Variants in PRKG1 observed in about 807,000 individuals in gnomAD.
PRKG1 encodes the protein protein kinase cGMP-dependent 1, also known as cGMP-dependent protein kinase 1.
PRKG1 carries 35 observed loss-of-function variants against 88.1 expected under a neutral mutation model. The ratio of observed to expected loss-of-function variants is 0.40; its 90% confidence interval spans 0.30 to 0.53. PRKG1 has a LOEUF of 0.53. Among genes scored for constraint, PRKG1 ranks in the 20% least tolerant of loss-of-function variants. PRKG1 has a pLI of 0.59. For synonymous variants in PRKG1, 303 were observed against 292.5 expected (o/e 1.04, Z -0.37); for missense variants, 540 against 839.8 (o/e 0.64, Z 4.41).
rs1056584396 is a variant in PRKG1 at position 52,053,079 on chromosome 10, T to G, written c.763-1405T>G. ...TTGAAGAATATGCATTCTATAATAT[T>G]ATTTTTATTTAGAAATAATTATTTG... On this transcript the variant is annotated intron_variant, in intron 5 of 17. Coordinates refer to ENST00000373980, the MANE Select transcript of PRKG1 (RefSeq NM_006258.4). 1.1e-4 allele frequency among the ~76,000 whole-genome samples: 16 copies of G among 152,286 alleles called. No individual in the cohort carries two copies. In the South Asian group the frequency reaches 2.7e-3, roughly 26 times the overall value.
chr10:51,074,419 C>T (rs1843891343), upstream of PRKG1: 1 of 1,442,154 alleles, frequency 6.9e-7, no homozygotes. Context: ...CTCTGGGTGG[C>T]TGGAGCCGGC....
chr10:51,596,020 G>A (rs1838438326), intron 3 of PRKG1, among the ~76,000 whole-genome samples: 1 of 152,008 alleles, frequency 6.6e-6, no homozygotes, highest in South Asian at 2.1e-4. Flanking sequence ...TAGTAGAGAT[G>A]GGGTTTCACT....
intron 3 of PRKG1, among the ~76,000 whole-genome samples, chr10:51,556,194 A>C (rs968863784): frequency 6.6e-6 from 1 of 152,038 alleles, no homozygotes; most frequent in African/African-American, 2.4e-5. Context: ...CCTATCATAC[A>C]TGAATAAGTT....
intron 3 of PRKG1, among the ~76,000 whole-genome samples, chr10:51,634,227 A>G (rs1056250854): frequency 2.0e-5 from 3 of 152,140 alleles, no homozygotes; most frequent in Non-Finnish European, 4.4e-5. Flanking sequence ...CTGAAATATT[A>G]ATAGGATTTT....
intron 2 of PRKG1, among the ~76,000 whole-genome samples, chr10:51,412,217 GAA>G (rs766833920): frequency 0.16 from 19,045 of 121,902 alleles, 1,384 homozygotes; most frequent in Non-Finnish European, 0.19. Flanking sequence ...GAGAGAGAAA[GAA>G]AGAGAGAAAG....
intron 9 of PRKG1, among the ~76,000 whole-genome samples, chr10:52,240,321 A>G (rs931258185): frequency 1.3e-5 from 2 of 152,132 alleles, no homozygotes; most frequent in South Asian, 4.1e-4. Flanking sequence ...AAAACATCAG[A>G]CTATCCCAAA....
chr10:51,162,140 A>C (rs935640909), intron 2 of PRKG1, among the ~76,000 whole-genome samples: 1 of 152,202 alleles, frequency 6.6e-6, no homozygotes, highest in Non-Finnish European at 1.5e-5. Context: ...TTGAATGTTT[A>C]GTAATTGTTT....
chr10:51,670,632 A>T (rs1840536681), intron 3 of PRKG1, among the ~76,000 whole-genome samples: 1 of 148,560 alleles, frequency 6.7e-6, no homozygotes, highest in South Asian at 2.1e-4. Context: ...GCTACTTGGG[A>T]GGCTGAGGCA....
chr10:51,624,648 A>G (rs1839290484), intron 3 of PRKG1, among the ~76,000 whole-genome samples: 1 of 152,240 alleles, frequency 6.6e-6, no homozygotes, highest in Non-Finnish European at 1.5e-5. Flanking sequence ...TTTGGGACAC[A>G]GTTGTGGCCA....
chr10:51,534,004 C>T (rs549420656), intron 3 of PRKG1, among the ~76,000 whole-genome samples: 11 of 152,244 alleles, frequency 7.2e-5, no homozygotes, highest in Non-Finnish European at 1.0e-4. Context: ...GATTCAAACT[C>T]GGATGATCTT....
At chr10:52,123,515 T>C (rs1163948744) in intron 7 of PRKG1, among the ~76,000 whole-genome samples, 1 of 152,200 alleles carries the variant, frequency 6.6e-6, no homozygotes, top group East Asian at 1.9e-4. Flanking sequence ...TAAGTTGATA[T>C]ATATTCTTAA....
chr10:51,042,426 A>G (rs770915949), intron 1 of PRKG1, among the ~76,000 whole-genome samples: 19 of 141,868 alleles, frequency 1.3e-4, no homozygotes, highest in Non-Finnish European at 2.2e-4. Flanking sequence ...TTGGCCTCTT[A>G]TACCTTCAAA....
At chr10:51,808,774 T>C (rs1330456686) in intron 4 of PRKG1, among the ~76,000 whole-genome samples, 1 of 152,186 alleles carries the variant, frequency 6.6e-6, no homozygotes, top group Non-Finnish European at 1.5e-5. Flanking sequence ...TCTTATACTT[T>C]ATACTTTGTA....
At chr10:52,069,993 A>G (rs1314836396) in intron 7 of PRKG1, among the ~76,000 whole-genome samples, 3 of 152,130 alleles carry the variant, frequency 2.0e-5, no homozygotes, top group African/African-American at 7.2e-5. Flanking sequence ...TGTAACACTA[A>G]TCAATAGCTC....
chr10:51,900,550 C>T (rs922893498), intron 4 of PRKG1, among the ~76,000 whole-genome samples: 2 of 152,106 alleles, frequency 1.3e-5, no homozygotes, highest in African/African-American at 4.8e-5. Context: ...AATCATATTT[C>T]TTAATGTCAT....
rs138552358 is a variant in PRKG1 at position 51,454,284 on chromosome 10, C to A, written c.479-13439C>A. On this transcript the variant is annotated intron_variant, in intron 2 of 17. Transcript: ENST00000373980. ...TGGAACTAAAAATGAGCCTGCCTAG[C>A]CAAAGCAAGGCTAAGCAAAATCGCA... is the stretch of plus-strand genomic sequence containing the variant. Among the ~76,000 whole-genome samples the A allele has an allele frequency of 1.3e-3, 203 of 152,068 alleles. 1 individual carries two copies. Among genetic ancestry groups the A allele is most frequent in the African/African-American group, 4.4e-3 (183 of 41,512 alleles).
chr10:52,007,944 C>T (rs1474913157), intron 5 of PRKG1, among the ~76,000 whole-genome samples: 3 of 152,060 alleles, frequency 2.0e-5, no homozygotes, highest in Non-Finnish European at 4.4e-5. Context: ...GGCTACAGTG[C>T]AGTAAAAATT....
chr10:51,609,152 A>G (rs1398519931), intron 3 of PRKG1, among the ~76,000 whole-genome samples: 4 of 152,014 alleles, frequency 2.6e-5, no homozygotes, highest in Admixed American at 2.0e-4. Flanking sequence ...GGTTAGTTAC[A>G]TATGTATACA....
intron 1 of PRKG1, among the ~76,000 whole-genome samples, chr10:51,052,569 G>A (rs1843576256): frequency 6.6e-6 from 1 of 152,090 alleles, no homozygotes; most frequent in African/African-American, 2.4e-5. Flanking sequence ...ACTAGATTTA[G>A]CCCTTACTCC....
Sources: gnomAD v4.1 joint callset for allele counts (sites outside exome capture counted in the v4.1 genomes callset) on GRCh38, gnomAD v4.1.1 for gene constraint, MANE v1.5 for transcripts, NCBI Gene and HGNC (gene_info 2026-07-23, HGNC 2026-07-21) for gene names.